VTI1A: variants seen among roughly 807,000 people sequenced by gnomAD.
The protein encoded by VTI1A is vesicle transport through interaction with t-SNAREs homolog 1A.
VTI1A carries 22 observed loss-of-function variants against 34.9 expected under a neutral mutation model. That is an observed-to-expected ratio of 0.63 (90% CI 0.45 to 0.90). The LOEUF is 0.90. Among genes scored for constraint, VTI1A ranks in the 40% least tolerant of loss-of-function variants. The pLI, the probability that VTI1A is intolerant of heterozygous loss-of-function variation, is 0.00. For missense variants in VTI1A, 268 were observed against 275.6 expected (o/e 0.97, Z 0.20); for synonymous variants, 87 against 97.3 (o/e 0.89, Z 0.62).
chr10:112,794,821 C>G (rs1353753251), intron 7 of VTI1A, among the ~76,000 whole-genome samples: 2 of 152,088 alleles, frequency 1.3e-5, no homozygotes, highest in African/African-American at 4.8e-5. Flanking sequence ...TCATCAAAAA[C>G]AAATTTATTC....
chr10:112,505,734 T>C (rs750988383), intron 3 of VTI1A, among the ~76,000 whole-genome samples: 8 of 151,634 alleles, frequency 5.3e-5, no homozygotes, highest in Non-Finnish European at 1.0e-4. Context: ...AATGCAGTGG[T>C]GTAACCACGG....
intron 3 of VTI1A, among the ~76,000 whole-genome samples, chr10:112,504,723 G>A (rs1185751279): frequency 1.3e-5 from 2 of 152,106 alleles, no homozygotes; most frequent in African/African-American, 2.4e-5. Flanking sequence ...CTCTATGGGG[G>A]ATGTATTAAT....
At chr10:112,834,213 C>T in the VTI1A span, among the ~76,000 whole-genome samples, 1 of 152,176 alleles carries the variant, frequency 6.6e-6, no homozygotes, top group Non-Finnish European at 1.5e-5. Context: ...GGCCACCAGC[C>T]TCGACCAGCC....
chr10:112,546,062 A>ATGTGTGTGTATATACGTGTATACGCG (rs1851099011), intron 5 of VTI1A, among the ~76,000 whole-genome samples: 1 of 130,114 alleles, frequency 7.7e-6, no homozygotes, highest in Non-Finnish European at 1.6e-5. Context: ...GTATACGCGT[A>ATGTGTGTGTATATACGTGTATACGCG]TGTGTGTGTA....
intron 7 of VTI1A, among the ~76,000 whole-genome samples, chr10:112,719,882 C>G (rs1849740908): frequency 6.6e-6 from 1 of 152,176 alleles, no homozygotes; most frequent in African/African-American, 2.4e-5. Flanking sequence ...AAAAAGAAAT[C>G]TGGTATCCAT....
At chr10:112,580,444 T>C (rs1444456614) in intron 5 of VTI1A, among the ~76,000 whole-genome samples, 3 of 151,984 alleles carry the variant, frequency 2.0e-5, no homozygotes, top group African/African-American at 7.3e-5. Flanking sequence ...AGGAGCGGGA[T>C]TGGAAATTGC....
rs148248586 is a variant in VTI1A, at chr10:112,524,178, G to A, written c.265-2909G>A. Among the ~76,000 whole-genome samples, 13 of 152,058 alleles carry A rather than the reference G, an allele frequency of 8.5e-5. No homozygotes were observed. In the East Asian group the frequency reaches 2.3e-3, roughly 27 times the overall value. Reference sequence around the variant, plus strand: ...ATGATGATCTTGCAGGCTAAGTTATGGTTGGGTACAATCAGCTTACTGAAA... The same window carrying A: ...ATGATGATCTTGCAGGCTAAGTTATAGTTGGGTACAATCAGCTTACTGAAA... On this transcript the variant is annotated intron_variant, in intron 3 of 7. Transcript: ENST00000393077.
intron 7 of VTI1A, among the ~76,000 whole-genome samples, chr10:112,714,408 A>C (rs1355660077): frequency 6.6e-6 from 1 of 152,224 alleles, no homozygotes; most frequent in Non-Finnish European, 1.5e-5. Context: ...CTCCTGCAGA[A>C]TGTAAGCTCC....
At chr10:112,611,608 C>T (rs1387308564) in intron 5 of VTI1A, among the ~76,000 whole-genome samples, 1 of 151,892 alleles carries the variant, frequency 6.6e-6, no homozygotes, top group Non-Finnish European at 1.5e-5. Flanking sequence ...AATGTCAGCA[C>T]CTAAATTGAT....
intron 5 of VTI1A, among the ~76,000 whole-genome samples, chr10:112,650,865 A>G (rs914895222): frequency 6.6e-6 from 1 of 152,252 alleles, no homozygotes; most frequent in Non-Finnish European, 1.5e-5. Context: ...GACATACATT[A>G]AATACATAGA....
At chr10:112,838,278 C>T in the VTI1A span, among the ~76,000 whole-genome samples, 1 of 152,204 alleles carries the variant, frequency 6.6e-6, no homozygotes, top group Non-Finnish European at 1.5e-5. Context: ...ACCTCGGGTC[C>T]TCCTGGGGTC....
At chr10:112,588,005 AC>A (rs1212440234) in intron 5 of VTI1A, among the ~76,000 whole-genome samples, 2 of 152,178 alleles carry the variant, frequency 1.3e-5, no homozygotes, top group East Asian at 3.9e-4. Context: ...GAAATTAAAA[AC>A]CACTGCTACT....
intron 7 of VTI1A, among the ~76,000 whole-genome samples, chr10:112,745,661 G>A (rs150907722): frequency 5.3e-5 from 8 of 152,318 alleles, no homozygotes; most frequent in Non-Finnish European, 8.8e-5. Flanking sequence ...AGTGCTCACA[G>A]CCACACCGAT....
intron 5 of VTI1A, among the ~76,000 whole-genome samples, chr10:112,623,857 A>C (rs1219809654): frequency 2.0e-5 from 3 of 152,192 alleles, no homozygotes; most frequent in Non-Finnish European, 4.4e-5. Flanking sequence ...AGATTGTTTT[A>C]AGATTTTAAG....
intron 5 of VTI1A, among the ~76,000 whole-genome samples, chr10:112,658,938 G>C (rs547036760): frequency 6.6e-6 from 1 of 152,198 alleles, no homozygotes; most frequent in Non-Finnish European, 1.5e-5. Flanking sequence ...TGCTAGCCAC[G>C]TAAGTCCTGT....
At chr10:112,675,302 G>A (rs1847984426) in intron 7 of VTI1A, among the ~76,000 whole-genome samples, 2 of 152,164 alleles carry the variant, frequency 1.3e-5, no homozygotes, top group Non-Finnish European at 2.9e-5. Flanking sequence ...AGGGAACCAC[G>A]GGTAAATATC....
intron 7 of VTI1A, among the ~76,000 whole-genome samples, chr10:112,787,380 A>T (rs1334979145): frequency 1.3e-5 from 2 of 151,688 alleles, no homozygotes; most frequent in South Asian, 2.1e-4. Flanking sequence ...ATTATTTTCT[A>T]CTTTCTATTG....
In VTI1A at chr10:112,736,071, AT is replaced by A. The variant is rs1218852641; in HGVS notation, c.560+67078del. ...TTATATACTGTATAATATATTTTAT[AT>A]TTTTATATATAGTATATTTTACATA... is the stretch of plus-strand genomic sequence containing the variant. On this transcript the variant is annotated intron_variant, in intron 7 of 7. Coordinates refer to ENST00000393077, the MANE Select transcript of VTI1A (RefSeq NM_145206.4). Among the ~76,000 whole-genome samples the A allele has an allele frequency of 5.5e-5, 8 of 144,268 alleles. No individual in the cohort carries two copies. In the South Asian group the frequency reaches 1.7e-3, roughly 31 times the overall value. The allele number at this position is 144,268 out of a possible 152,430, so 94.6% of individuals were successfully genotyped here. A position where few individuals can be genotyped will look rare whatever the true frequency, so the allele number is the denominator to read the frequency against.
Position 112,815,139 on chromosome 10 carries a change from G to GCGCGCACA in VTI1A, c.561-150_561-149insGCGCACAC, listed in dbSNP as rs879013051. 1.1e-3 allele frequency: 205 copies of GCGCGCACA among 180,926 alleles called. 1 individual carries two copies. The highest frequency in any genetic ancestry group is 7.1e-3 in the South Asian group (79 of 11,152). 11.2% of individuals were successfully genotyped at this position (180,926 alleles called of 1,614,324 possible). A position where few individuals can be genotyped will look rare whatever the true frequency, so the allele number is the denominator to read the frequency against. On this transcript the variant is annotated intron_variant, in intron 7 of 7. Transcript: ENST00000393077. ...GCTGCGTGATGTCTCTTTCGCGCGC[G>GCGCGCACA]CACACACACACACACACACACACAC... is the stretch of plus-strand genomic sequence containing the variant.
Sources: allele counts gnomAD v4.1 joint callset (sites outside exome capture counted in the v4.1 genomes callset), GRCh38; gene constraint gnomAD v4.1.1; transcripts MANE v1.5; gene names NCBI Gene and HGNC (gene_info 2026-07-23, HGNC 2026-07-21).